SEC24A: variants seen among roughly 807,000 people sequenced by gnomAD.
The protein encoded by SEC24A is protein transport protein Sec24A.
A neutral mutation model predicts 129.4 loss-of-function variants in SEC24A; 93 were observed. The observed-to-expected ratio is 0.72, with a 90% CI of 0.61 to 0.85. The LOEUF (loss-of-function observed/expected upper bound fraction) is 0.85. SEC24A is among the 40% of genes least tolerant of loss of function. The probability of loss-of-function intolerance (pLI) is 0.00; values close to 1 mark genes in which losing one functional copy is unlikely to be tolerated. For synonymous variants in SEC24A, 460 were observed against 467.3 expected (o/e 0.98, Z 0.20); for missense variants, 1,264 against 1,307.4 (o/e 0.97, Z 0.51).
intron 1 of SEC24A, among the ~76,000 whole-genome samples, chr5:134,649,528 G>A (rs1235395531): frequency 6.6e-6 from 1 of 152,160 alleles, no homozygotes; most frequent in Non-Finnish European, 1.5e-5. Flanking sequence ...CTAGAGAGCA[G>A]GATGTGGGGT....
In SEC24A at chr5:134,705,355, G is replaced by T; in HGVS notation, c.2469G>T (p.Leu823Phe). 6.2e-7 allele frequency: 1 copy of T among 1,613,508 alleles called. No individual in the cohort carries two copies. The highest frequency in any genetic ancestry group is 1.1e-5 in the South Asian group (1 of 91,024). Residue 823 changes from leucine (L) to phenylalanine (F), a missense_variant, in exon 17 of 23, where the codon TTG (leucine) becomes TTT (phenylalanine). By Grantham distance (22) the Leu-to-Phe change is conservative (BLOSUM62 0). Transcript: ENST00000398844. The stretch of plus-strand genomic sequence containing the variant: ...AAAGAAGAATTCGTGTTCATACTTT[G>T]TGTTTGCCAGTAGTTTCGACTCTGA... ...KGERRIRVHT[L>F]CLPVVSTLND...
chr5:134,700,566 CAA>C (rs761663924), intron 15 of SEC24A, among the ~76,000 whole-genome samples: 2 of 139,920 alleles, frequency 1.4e-5, no homozygotes, highest in Admixed American at 7.2e-5. Flanking sequence ...AAATCTATAA[CAA>C]AAAAAAAAAG....
rs1004167340 is a variant in SEC24A at position 134,727,649 on chromosome 5, TGTAAA to T, written c.*2559_*2563del. 4 of 152,602 alleles carry T rather than the reference TGTAAA, an allele frequency of 2.6e-5. No homozygotes were observed. Among genetic ancestry groups the T allele is most frequent in the African/African-American group, 9.6e-5 (4 of 41,456 alleles). The allele number at this position is 152,602 out of a possible 1,614,324, so 9.5% of individuals were successfully genotyped here. On this transcript the variant is annotated 3_prime_UTR_variant, in exon 23 of 23. Transcript: ENST00000398844. ...AATCCTTATATAGAAATTTTAATTT[TGTAAA>T]GTAGTGTATAATATTGTAATATTAA...
At chr5:134,655,798 T>A (rs1750224398) in intron 1 of SEC24A, among the ~76,000 whole-genome samples, 1 of 152,190 alleles carries the variant, frequency 6.6e-6, no homozygotes, top group Non-Finnish European at 1.5e-5. Flanking sequence ...CAACAATTGC[T>A]TTCTTTGGTT....
At chr5:134,716,975 G>T (rs925583685) in intron 19 of SEC24A, among the ~76,000 whole-genome samples, 1 of 149,596 alleles carries the variant, frequency 6.7e-6, no homozygotes, top group Non-Finnish European at 1.5e-5. Flanking sequence ...CGCCTCCCAG[G>T]TTCAAAGAAT....
chr5:134,661,528 A>T lies in SEC24A; in HGVS notation c.507A>T (p.Thr169=). The T allele has an allele frequency of 6.2e-7, 1 of 1,614,164 alleles. No individual in the cohort carries two copies. Among genetic ancestry groups the T allele is most frequent in the African/African-American group, 1.3e-5 (1 of 75,064 alleles). The change falls in exon 2 of 23, where the codon ACA becomes ACT. Residue 169 remains threonine (T), a synonymous_variant. Transcript: ENST00000398844. ...PTVSGNTSLT[T]NHQYVSSGYP... is the part of the protein sequence containing the mutation. ...TATCTGGAAATACAAGTTTAACCAC[A>T]AATCATCAATATGTTTCTTCTGGAT...
intron 16 of SEC24A, among the ~76,000 whole-genome samples, chr5:134,705,070 T>TTTTA (rs1554141294): frequency 7.5e-6 from 1 of 133,350 alleles, no homozygotes; most frequent in Admixed American, 8.1e-5. Flanking sequence ...ATATTTATAT[T>TTTTA]TATATATATA....
chr5:134,683,108 C>T (rs935127997), intron 9 of SEC24A, among the ~76,000 whole-genome samples: 10 of 151,776 alleles, frequency 6.6e-5, no homozygotes, highest in African/African-American at 1.7e-4. Flanking sequence ...CTGCAACCTC[C>T]GCCTCCCGGG....
intron 11 of SEC24A, among the ~76,000 whole-genome samples, chr5:134,689,487 G>T (rs1433670701): frequency 1.3e-5 from 2 of 152,206 alleles, no homozygotes; most frequent in African/African-American, 4.8e-5. Flanking sequence ...ATGGGGCCGA[G>T]TGCGGTGGCT....
intron 1 of SEC24A, among the ~76,000 whole-genome samples, chr5:134,660,737 T>A (rs997109334): frequency 1.3e-5 from 2 of 151,930 alleles, no homozygotes; most frequent in Non-Finnish European, 2.9e-5. Flanking sequence ...TGTTTTTTTT[T>A]ATAGGCATGG....
intron 2 of SEC24A, among the ~76,000 whole-genome samples, chr5:134,662,605 T>C (rs985168145): frequency 6.6e-6 from 1 of 152,192 alleles, no homozygotes; most frequent in Non-Finnish European, 1.5e-5. Flanking sequence ...ATATACTCCA[T>C]CAGGCTTGTA....
rs1561836424 is a variant in SEC24A, at chr5:134,723,547, T to G, written c.3064-20T>G. The G allele has an allele frequency of 7.2e-7, 1 of 1,382,492 alleles. No homozygotes were observed. The highest frequency in any genetic ancestry group is 1.7e-5 in the Admixed American group (1 of 58,580). 85.6% of individuals were successfully genotyped at this position (1,382,492 alleles called of 1,614,324 possible). ...GATATGTAATTAAAGTAATTGGATA[T>G]TGTTGGTTTTGGTTAACAGACAGAC... On this transcript the variant is annotated intron_variant, in intron 21 of 22. Coordinates refer to ENST00000398844, the MANE Select transcript of SEC24A (RefSeq NM_021982.3).
Position 134,720,861 on chromosome 5 carries a change from C to T in SEC24A, c.2971-137C>T, listed in dbSNP as rs560460349. On this transcript the variant is annotated intron_variant, in intron 20 of 22. Transcript: ENST00000398844. ...AGGTTGCAGTGAGCCGAGATTACAC[C>T]ACTGCACTCCAGCCTGGGTGACAGA... 5.2e-4 allele frequency: 266 copies of T among 510,294 alleles called. 1 individual carries two copies. Among genetic ancestry groups the T allele is most frequent in the Middle Eastern group, 1.1e-3 (2 of 1,770 alleles). 31.6% of individuals were successfully genotyped at this position (510,294 alleles called of 1,614,324 possible).
chr5:134,678,582 T>TATA (rs1402872713), intron 7 of SEC24A, among the ~76,000 whole-genome samples: 4 of 148,356 alleles, frequency 2.7e-5, no homozygotes, highest in Non-Finnish European at 4.4e-5. Context: ...ATATATATAT[T>TATA]TTTTTAATTT....
rs1752613532 is a variant in SEC24A, at chr5:134,721,036, T to C, written c.3009T>C (p.Asn1003=). Residue 1003 remains asparagine (N), a synonymous_variant, in exon 21 of 23, where the codon AAT becomes AAC. Coordinates refer to ENST00000398844, the MANE Select transcript of SEC24A (RefSeq NM_021982.3). Reference sequence around the variant, plus strand: ...GGGTTGGAAAAAATTGTACACAGAATTTTCTCAGCCAAGTTCTAGGAGTTC... The same window carrying C: ...GGGTTGGAAAAAATTGTACACAGAACTTTCTCAGCCAAGTTCTAGGAGTTC... ...MLWVGKNCTQ[N]FLSQVLGVQN... 6.2e-7 allele frequency: 1 copy of C among 1,613,086 alleles called. No individual in the cohort carries two copies. Among genetic ancestry groups the C allele is most frequent in the Admixed American group, 1.7e-5 (1 of 59,982 alleles).
chr5:134,707,195 T>G (rs907324957), intron 17 of SEC24A, among the ~76,000 whole-genome samples: 2 of 152,200 alleles, frequency 1.3e-5, no homozygotes, highest in Non-Finnish European at 2.9e-5. Flanking sequence ...GTTACCCACT[T>G]TCTTGAATTT....
chr5:134,661,482 G>A lies in SEC24A; in HGVS notation c.461G>A (p.Arg154His), dbSNP rs774612058. 6.2e-6 allele frequency: 10 copies of A among 1,614,082 alleles called. No homozygotes were observed. Among genetic ancestry groups the A allele is most frequent in the Non-Finnish European group, 6.8e-6 (8 of 1,180,004 alleles). The change falls in exon 2 of 23, where the codon CGT becomes CAT. Residue 154 changes from arginine (R) to histidine (H), a missense_variant. Transcript: ENST00000398844. The part of the protein sequence containing the change: ...STASQTNHCP[R>H]ASSQPTVSGN... ...GCCTCACAAACAAACCATTGTCCTC[G>A]TGCATCATCCCAACCAACTGTATCT...
At chr5:134,703,429 G>A (rs1406486770) in intron 15 of SEC24A, among the ~76,000 whole-genome samples, 4 of 151,934 alleles carry the variant, frequency 2.6e-5, no homozygotes, top group African/African-American at 4.8e-5. Context: ...CACCATGTTC[G>A]GCTAATTTTT....
chr5:134,675,964 T>C, intron 6 of SEC24A, 59 bp from the exon 7 acceptor site: 2 of 1,193,712 alleles, frequency 1.7e-6, no homozygotes, highest in Non-Finnish European at 2.4e-6. Context: ...ATCTTTGTTG[T>C]TGTTTTCTTC....
Sources: allele counts gnomAD v4.1 joint callset (sites outside exome capture counted in the v4.1 genomes callset), GRCh38; gene constraint gnomAD v4.1.1; transcripts MANE v1.5; gene names NCBI Gene and HGNC (gene_info 2026-07-23, HGNC 2026-07-21).